The following ATP8A1 variants were observed in gnomAD, a reference collection of about 807,000 sequenced individuals.
ATP8A1 encodes the protein ATPase phospholipid transporting 8A1.
In ATP8A1, 90 loss-of-function variants were observed where a neutral mutation model predicts 177.7. The observed-to-expected ratio is 0.51, with a 90% CI of 0.43 to 0.60. ATP8A1 has a LOEUF of 0.60. Among genes scored for constraint, ATP8A1 ranks in the 20% least tolerant of loss-of-function variants. ATP8A1 has a pLI of 0.00. For missense variants in ATP8A1, 1,072 were observed against 1,392.8 expected, an observed-to-expected ratio of 0.77 and a Z score of 3.67; for synonymous variants, 493 against 485.9, an observed-to-expected ratio of 1.01 and a Z score of -0.19.
intron 27 of ATP8A1, 30 bp from the exon 28 acceptor site, chr4:42,455,629 T>C: frequency 1.3e-6 from 2 of 1,599,986 alleles, no homozygotes; most frequent in Non-Finnish European, 1.7e-6. Flanking sequence ...ACCCCCAAAT[T>C]AGAATACAAA....
At chr4:42,451,945 A>C (rs777962499) in intron 30 of ATP8A1, 36 bp downstream of exon 30, 1 of 1,425,348 alleles carries the variant, frequency 7.0e-7, no homozygotes, top group East Asian at 2.3e-5. Flanking sequence ...AAAAAGTAAA[A>C]AGTCATCTCT....
At chr4:42,585,120 C>T (rs1220127463) in intron 9 of ATP8A1, among the ~76,000 whole-genome samples, 1 of 152,098 alleles carries the variant, frequency 6.6e-6, no homozygotes, top group African/African-American at 2.4e-5. Flanking sequence ...AATTATCTCC[C>T]TCCAGATATT....
In ATP8A1 at chr4:42,455,741, G is replaced by C. The variant is rs991626564; in HGVS notation, c.2620-142C>G. ...ACTCTTTTGAAAATGACATTTCTTT[G>C]GTTTACTTTCTGATTGAAAGAGATG... On this transcript the variant is annotated intron_variant, in intron 27 of 36. Coordinates refer to ENST00000381668, the MANE Select transcript of ATP8A1 (RefSeq NM_006095.2). The C allele has an allele frequency of 3.4e-5, 26 of 764,370 alleles. 1 individual carries two copies. In the South Asian group the frequency reaches 4.5e-4, roughly 13 times the overall value. The allele number at this position is 764,370 out of a possible 1,614,324, so 47.3% of individuals were successfully genotyped here.
intron 1 of ATP8A1, among the ~76,000 whole-genome samples, chr4:42,631,381 C>CTGT (rs1738712751): frequency 6.6e-6 from 1 of 152,132 alleles, no homozygotes; most frequent in Admixed American, 6.5e-5. Context: ...AAGTAATTGC[C>CTGT]ACAGGAACTA....
rs995656139 is a variant in ATP8A1, at chr4:42,507,823, A to G, written c.1948-669T>C. On this transcript the variant is annotated intron_variant, in intron 22 of 36. Coordinates refer to ENST00000381668, the MANE Select transcript of ATP8A1 (RefSeq NM_006095.2). ...AAAAAAAAAAAACATACAAACAGCT[A>G]TGGGAGACTACCATAGTGAAGATGC... Among the ~76,000 whole-genome samples the G allele has an allele frequency of 2.9e-5, 4 of 140,120 alleles. No individual in the cohort carries two copies. The Admixed American group carries it at 3.0e-4, about 10-fold the overall frequency. 91.9% of individuals were successfully genotyped at this position (140,120 alleles called of 152,430 possible).
intron 8 of ATP8A1, 113 bp downstream of exon 8, chr4:42,588,147 G>T: frequency 1.3e-6 from 1 of 778,124 alleles, no homozygotes; most frequent in Non-Finnish European, 2.0e-6. Context: ...GGTTCCATGG[G>T]AACATATTTG....
In ATP8A1 at chr4:42,593,987, A is replaced by G. The variant is rs557716728; in HGVS notation, c.451-3103T>C. 2.6e-5 allele frequency among the ~76,000 whole-genome samples: 4 copies of G among 152,216 alleles called. No homozygotes were observed. In the South Asian group the frequency reaches 8.3e-4, roughly 32 times the overall value. On this transcript the variant is annotated intron_variant, in intron 6 of 36. Transcript: ENST00000381668. ...ATAGAACCCAATCCATGTATTATAT[A>G]AAATAAATGACAGGAAATCTTAAAA...
chr4:42,610,922 G>C (rs1027291104), intron 5 of ATP8A1, among the ~76,000 whole-genome samples: 9 of 152,142 alleles, frequency 5.9e-5, no homozygotes, highest in Admixed American at 5.9e-4. Flanking sequence ...GAGACAAAAA[G>C]GGAGCAACAC....
chr4:42,489,186 G>A (rs922356752), intron 24 of ATP8A1, among the ~76,000 whole-genome samples: 1 of 152,134 alleles, frequency 6.6e-6, no homozygotes, highest in African/African-American at 2.4e-5. Context: ...AGTGATTTCT[G>A]AGCTGAAAAC....
chr4:42,618,243 T>C (rs1028132623), intron 4 of ATP8A1, among the ~76,000 whole-genome samples: 1 of 152,232 alleles, frequency 6.6e-6, no homozygotes, highest in Non-Finnish European at 1.5e-5. Flanking sequence ...CCTTGTCTCC[T>C]CTGCCTACTT....
chr4:42,428,280 GCTC>G (rs1252823234), intron 33 of ATP8A1, among the ~76,000 whole-genome samples: 1 of 152,192 alleles, frequency 6.6e-6, no homozygotes, highest in Admixed American at 6.5e-5. Context: ...AGACTACTGA[GCTC>G]CTAACTTGTG....
At chr4:42,618,272 T>C (rs1737109613) in intron 4 of ATP8A1, among the ~76,000 whole-genome samples, 1 of 152,256 alleles carries the variant, frequency 6.6e-6, no homozygotes, top group African/African-American at 2.4e-5. Flanking sequence ...GCAATGGTAT[T>C]GCTCAAGGCT....
At chr4:42,649,629 G>T (rs926064803) in intron 1 of ATP8A1, among the ~76,000 whole-genome samples, 3 of 152,096 alleles carry the variant, frequency 2.0e-5, no homozygotes, top group South Asian at 4.1e-4. Flanking sequence ...ACAAAGCTCA[G>T]AGTTATCCAT....
intron 33 of ATP8A1, among the ~76,000 whole-genome samples, chr4:42,429,406 G>A (rs1416763921): frequency 6.7e-6 from 1 of 150,032 alleles, no homozygotes; most frequent in African/African-American, 2.4e-5. Context: ...TTGTGGTTGT[G>A]GGGAGGTGAG....
chr4:42,445,702 G>A (rs1185995394), intron 31 of ATP8A1, among the ~76,000 whole-genome samples: 1 of 152,138 alleles, frequency 6.6e-6, no homozygotes, highest in Non-Finnish European at 1.5e-5. Flanking sequence ...TTCTCAGCAG[G>A]ATAGCTAATG....
intron 25 of ATP8A1, 89 bp downstream of exon 25, chr4:42,485,407 C>T: frequency 1.6e-6 from 2 of 1,247,062 alleles, no homozygotes; most frequent in Non-Finnish European, 2.2e-6. Context: ...CTTTTGTAAA[C>T]TCTGGATTAC....
intron 11 of ATP8A1, among the ~76,000 whole-genome samples, chr4:42,578,873 A>G (rs1011532871): frequency 6.6e-6 from 1 of 152,088 alleles, no homozygotes; most frequent in African/African-American, 2.4e-5. Flanking sequence ...TTCTTCCTCA[A>G]AATGAAAATA....
intron 20 of ATP8A1, among the ~76,000 whole-genome samples, chr4:42,531,723 G>A (rs537473718): frequency 6.6e-6 from 1 of 152,146 alleles, no homozygotes; most frequent in Admixed American, 6.5e-5. Context: ...CAAGTTGCAG[G>A]ATACAAAATC....
chr4:42,551,090 G>T, intron 18 of ATP8A1, 108 bp downstream of exon 18: 1 of 847,472 alleles, frequency 1.2e-6, no homozygotes, highest in Non-Finnish European at 2.0e-6. Flanking sequence ...GTTGCTTCTG[G>T]AGTGGGGAAC....
Sources: gnomAD v4.1 joint callset for allele counts (sites outside exome capture counted in the v4.1 genomes callset) on GRCh38, gnomAD v4.1.1 for gene constraint, MANE v1.5 for transcripts, NCBI Gene and HGNC (gene_info 2026-07-23, HGNC 2026-07-21) for gene names.